The following BRD9 variants were observed in gnomAD, a reference collection of about 807,000 sequenced individuals.
The protein encoded by BRD9 is bromodomain containing 9.
BRD9 carries 47 observed loss-of-function variants against 68.7 expected under a neutral mutation model. The observed-to-expected ratio is 0.68, with a 90% CI of 0.54 to 0.87. The LOEUF (loss-of-function observed/expected upper bound fraction) is 0.87, where lower values mean the gene tolerates loss of function less well. Ranked by LOEUF, BRD9 falls within the 40% of genes least tolerant of loss-of-function variation. The pLI is 0.00. For missense variants in BRD9, 670 were observed against 748.4 expected (o/e 0.90, Z 1.22); for synonymous variants, 313 against 293.9 (o/e 1.06, Z -0.67).
Position 891,664 on chromosome 5 carries a change from G to A in BRD9, c.243C>T (p.Asp81=). ...CCTTTCGCTTCCTTCTTTCCTCATCGTCCAGATGCTTCTCCTTCTCGGACT... is the reference window on the plus strand; with the variant it reads ...CCTTTCGCTTCCTTCTTTCCTCATCATCCAGATGCTTCTCCTTCTCGGACT... ...KKKSEKEKHL[D]DEERRKRKEE... is the part of the protein sequence containing the mutation. Residue 81 remains aspartate (D), a synonymous_variant, in exon 2 of 16, where the codon GAC becomes GAT. Coordinates refer to ENST00000467963, the MANE Select transcript of BRD9 (RefSeq NM_023924.5). 1 of 1,551,450 alleles carries A rather than the reference G, an allele frequency of 6.4e-7. No homozygotes were observed. The highest frequency in any genetic ancestry group is 8.7e-7 in the Non-Finnish European group (1 of 1,147,020).
At chr5:889,953 C>T (rs1560932163) in intron 3 of BRD9, 4 of 376,976 alleles carry the variant, frequency 1.1e-5, no homozygotes, top group African/African-American at 4.2e-5. Context: ...AAGAAATGGA[C>T]GACGGAACAA....
intron 8 of BRD9, 200 bp downstream of exon 8, chr5:883,738 G>A (rs1328012315): frequency 2.9e-6 from 2 of 690,282 alleles, no homozygotes; most frequent in Non-Finnish European, 4.7e-6. Flanking sequence ...AACACCAGCG[G>A]CAGCCCTGCC....
At chr5:885,307 G>T (rs944732128) in intron 7 of BRD9, among the ~76,000 whole-genome samples, 2 of 152,176 alleles carry the variant, frequency 1.3e-5, no homozygotes, top group Non-Finnish European at 2.9e-5. Context: ...GCCACGCAGC[G>T]CACCCTGTCT....
At chr5:867,686 C>T (rs1267295894) in intron 14 of BRD9, among the ~76,000 whole-genome samples, 2 of 152,212 alleles carry the variant, frequency 1.3e-5, no homozygotes, top group African/African-American at 4.8e-5. Flanking sequence ...AGCCTGCTGC[C>T]CCTTTGTTTT....
At chr5:884,120 C>A (rs910004746) in intron 7 of BRD9, 50 bp from the exon 8 acceptor site, 2 of 1,594,756 alleles carry the variant, frequency 1.3e-6, no homozygotes, top group African/African-American at 2.7e-5. Flanking sequence ...CCCCACCGCA[C>A]ACCTGCTCCC....
chr5:864,645 C>CAGGAAGCAGACCT, intron 15 of BRD9, 77 bp from the exon 16 acceptor site: 1 of 1,347,204 alleles, frequency 7.4e-7, no homozygotes, highest in Non-Finnish European at 1.0e-6. Flanking sequence ...AGCCCAAGGT[C>CAGGAAGCAGACCT]TGCTTCCTGA....
intron 14 of BRD9, among the ~76,000 whole-genome samples, chr5:867,532 T>C (rs1364951300): frequency 6.6e-6 from 1 of 152,244 alleles, no homozygotes; most frequent in African/African-American, 2.4e-5. Context: ...GGCTGTACCC[T>C]GCAGAGCCAC....
At chr5:877,724 T>G (rs901222928) in intron 11 of BRD9, among the ~76,000 whole-genome samples, 2 of 152,292 alleles carry the variant, frequency 1.3e-5, no homozygotes, top group African/African-American at 4.8e-5. Context: ...AGTTCGTAAG[T>G]TGAAATCCCG....
At position 891,687 on chromosome 5, in the gene BRD9, ACTT is replaced by A. The variant is rs761307395; in HGVS notation, c.217_219del (p.Lys73del). 3.2e-5 allele frequency: 49 copies of A among 1,549,626 alleles called. No homozygotes were observed. Among genetic ancestry groups the A allele is most frequent in the Middle Eastern group, 1.7e-4 (1 of 6,008 alleles). On this transcript the variant is annotated inframe_deletion, in exon 2 of 16. Coordinates refer to ENST00000467963, the MANE Select transcript of BRD9 (RefSeq NM_023924.5). Reference sequence around the variant, plus strand: ...TCGTCCAGATGCTTCTCCTTCTCGGACTTCTTCTTCTTCTTCTTTTTCTTTTCT... The same window carrying A: ...TCGTCCAGATGCTTCTCCTTCTCGGACTTCTTCTTCTTCTTTTTCTTTTCT...
intron 9 of BRD9, 142 bp downstream of exon 9, chr5:880,962 CGTT>C: frequency 5.0e-6 from 4 of 803,260 alleles, no homozygotes; most frequent in Non-Finnish European, 7.9e-6. Flanking sequence ...GCACGTGTCA[CGTT>C]GGGGTGCGAG....
Position 891,751 on chromosome 5 carries a change from A to G in BRD9, c.156T>C (p.Tyr52=). ...LSGSGHDSSY[Y]DDRSDHERER... ...CTCGCTCATGGTCTGACCTGTCATCATAGTAACTGGAGTCGTGGCCGGATC... is the reference window on the plus strand; with the variant it reads ...CTCGCTCATGGTCTGACCTGTCATCGTAGTAACTGGAGTCGTGGCCGGATC... The change falls in exon 2 of 16, where the codon TAT becomes TAC. Residue 52 remains tyrosine, a synonymous_variant. Transcript: ENST00000467963. 1 of 1,551,434 alleles carries G rather than the reference A, an allele frequency of 6.4e-7. No individual in the cohort carries two copies. The highest frequency in any genetic ancestry group is 2.4e-5 in the East Asian group (1 of 40,906).
chr5:881,110 C>T lies in BRD9; in HGVS notation c.1039G>A (p.Asp347Asn). 1 of 1,614,076 alleles carries T rather than the reference C, an allele frequency of 6.2e-7. No homozygotes were observed. Residue 347 changes from aspartate to asparagine, a missense_variant, in exon 9 of 16, where the codon GAT becomes AAT. Physicochemically the swap from Asp to Asn is conservative, Grantham distance 23. Coordinates refer to ENST00000467963, the MANE Select transcript of BRD9 (RefSeq NM_023924.5). The stretch of plus-strand genomic sequence containing the variant: ...CCAGCCCTGAGCGGGCACCCACCAT[C>T]AGCGTCCGGCTCGGCCGTGTTGACC... ...SVVNTAEPDA[D>N]EEETHPVDLS... is the part of the protein sequence containing the mutation.
chr5:885,646 T>C lies in BRD9; in HGVS notation c.833+946A>G, dbSNP rs532896620. Among the ~76,000 whole-genome samples the C allele has an allele frequency of 7.9e-5, 12 of 152,328 alleles. 1 individual carries two copies. The South Asian group carries it at 2.5e-3, about 32-fold the overall frequency. On this transcript the variant is annotated intron_variant, in intron 7 of 15. Transcript: ENST00000467963. ...CAACAGGCCAGTCCTCTCAGGATAC[T>C]GGGAAGACCGCGAGCCACAGTGCTG...
intron 8 of BRD9, 31 bp downstream of exon 8, chr5:883,907 G>C (rs1752170528): frequency 6.2e-7 from 1 of 1,601,512 alleles, no homozygotes. Flanking sequence ...GGGCCACGTG[G>C]CACCCTCTCT....
At chr5:870,936 C>T (rs1035391815) in intron 13 of BRD9, among the ~76,000 whole-genome samples, 9 of 152,230 alleles carry the variant, frequency 5.9e-5, no homozygotes, top group East Asian at 1.9e-4. Context: ...GAGCACACAA[C>T]GTTCCCTTTC....
chr5:876,018 A>C (rs1050707201), intron 12 of BRD9, 83 bp downstream of exon 12: 2 of 943,710 alleles, frequency 2.1e-6, no homozygotes, highest in Admixed American at 4.2e-5. Context: ...TCGTCCCCGA[A>C]AGCCTGGTCA....
intron 11 of BRD9, among the ~76,000 whole-genome samples, chr5:877,387 T>C (rs1440135316): frequency 6.6e-6 from 1 of 152,240 alleles, no homozygotes; most frequent in African/African-American, 2.4e-5. Flanking sequence ...GTTTACTTCA[T>C]TTTTTGCTAC....
chr5:875,196 C>T (rs978823566), intron 12 of BRD9, among the ~76,000 whole-genome samples: 3 of 152,210 alleles, frequency 2.0e-5, no homozygotes, highest in Admixed American at 6.5e-5. Flanking sequence ...CTGCCCGAAG[C>T]ATCTTCTTCT....
intron 3 of BRD9, 152 bp from the exon 4 acceptor site, chr5:889,799 T>G: frequency 6.8e-7 from 1 of 1,463,640 alleles, no homozygotes; most frequent in Non-Finnish European, 9.1e-7. Context: ...GACTCAGCCT[T>G]GGCTCCCACC....
Sources: allele counts gnomAD v4.1 joint callset (sites outside exome capture counted in the v4.1 genomes callset), GRCh38; gene constraint gnomAD v4.1.1; transcripts MANE v1.5; gene names NCBI Gene and HGNC (gene_info 2026-07-23, HGNC 2026-07-21).